HOMER2: variants seen among roughly 807,000 people sequenced by gnomAD.
HOMER2 encodes the protein homer protein homolog 2.
A neutral mutation model predicts 47.0 loss-of-function variants in HOMER2; 27 were observed. That is an observed-to-expected ratio of 0.57 (90% CI 0.42 to 0.79). HOMER2 has a LOEUF of 0.79. Among genes scored for constraint, HOMER2 ranks in the 30% least tolerant of loss-of-function variants. HOMER2 has a pLI of 0.00. For synonymous variants in HOMER2, 161 were observed against 163.8 expected, an observed-to-expected ratio of 0.98 and a Z score of 0.13; for missense variants, 443 against 435.0, an observed-to-expected ratio of 1.02 and a Z score of -0.16.
downstream of HOMER2, chr15:82,846,743 C>T (rs933737975): frequency 3.9e-5 from 6 of 152,148 alleles, no homozygotes; most frequent in African/African-American, 7.2e-5. Context: ...CACACAAGTT[C>T]GAGGTCTTGT....
intron 1 of HOMER2, among the ~76,000 whole-genome samples, chr15:82,974,540 A>C (rs1284046891): frequency 6.6e-6 from 1 of 152,228 alleles, no homozygotes; most frequent in East Asian, 1.9e-4. Flanking sequence ...AATATGCTCT[A>C]ATCTGAGGAG....
intron 1 of HOMER2, among the ~76,000 whole-genome samples, chr15:82,945,826 C>T (rs550813470): frequency 1.3e-5 from 2 of 151,880 alleles, no homozygotes; most frequent in Non-Finnish European, 2.9e-5. Flanking sequence ...AAAAATTAGC[C>T]GGGTGTGGTG....
Position 82,952,698 on chromosome 15 carries a change from CTG to C in HOMER2, c.-165_-164del. The C allele has an allele frequency of 1.0e-6, 1 of 985,348 alleles. No individual in the cohort carries two copies. The highest frequency in any genetic ancestry group is 1.2e-6 in the Non-Finnish European group (1 of 831,124). 61.0% of individuals were successfully genotyped at this position (985,348 alleles called of 1,614,324 possible). A position where few individuals can be genotyped will look rare whatever the true frequency, so the allele number is the denominator to read the frequency against. On this transcript the variant is annotated 5_prime_UTR_variant, in exon 1 of 9. Transcript: ENST00000450735. The stretch of plus-strand genomic sequence containing the variant: ...GGCTGCGCGGCTGCCACTGCTGCCA[CTG>C]CCGCCACCGCCGCCAGGCGCGGGCG...
upstream of HOMER2, among the ~76,000 whole-genome samples, chr15:82,953,001 GGAC>G (rs2054542484): frequency 6.6e-6 from 1 of 152,190 alleles, no homozygotes; most frequent in African/African-American, 2.4e-5. Flanking sequence ...CCTGCCTGAT[GGAC>G]TTAAAGTCCC....
At chr15:82,893,584 G>A (rs1463979241) in intron 1 of HOMER2, among the ~76,000 whole-genome samples, 3 of 151,186 alleles carry the variant, frequency 2.0e-5, no homozygotes, top group Non-Finnish European at 2.9e-5. Context: ...GCCTGCCTCG[G>A]GCTCCCAAAG....
At position 82,872,178 on chromosome 15, in the gene HOMER2, A is replaced by G. The variant is rs57339283; in HGVS notation, c.294+3095T>C. On this transcript the variant is annotated intron_variant, in intron 3 of 8. Coordinates refer to ENST00000450735, the MANE Select transcript of HOMER2 (RefSeq NM_004839.4). ...GGACCACTTCAGGAGGGAAAGACAT[A>G]CACCCCCATTACCCCCTCAGACAGA... is the stretch of plus-strand genomic sequence containing the variant. Among the ~76,000 whole-genome samples, 1,448 of 152,188 alleles carry G rather than the reference A, an allele frequency of 9.5e-3. 28 individuals are homozygous for G. The highest frequency in any genetic ancestry group is 0.052 in the Admixed American group (795 of 15,268).
intron 1 of HOMER2, among the ~76,000 whole-genome samples, chr15:82,981,341 G>A (rs939168595): frequency 2.0e-5 from 3 of 152,160 alleles, no homozygotes; most frequent in Admixed American, 1.3e-4. Context: ...ACTTTCTGCT[G>A]GTGTGTTTTG....
chr15:82,928,940 T>TAAGAAAAAAAAAAAAAAAAAAAA (rs2053925555), intron 1 of HOMER2, among the ~76,000 whole-genome samples: 2 of 39,938 alleles, frequency 5.0e-5, no homozygotes, highest in Non-Finnish European at 8.0e-5. Flanking sequence ...AAATAAAAAC[T>TAAGAAAAAAAAAAAAAAAAAAAA]AAAAAAAAAA....
At chr15:82,981,014 G>A (rs2030377125) in intron 1 of HOMER2, among the ~76,000 whole-genome samples, 1 of 152,182 alleles carries the variant, frequency 6.6e-6, no homozygotes, top group Admixed American at 6.5e-5. Flanking sequence ...GTTTTGTTTT[G>A]AGACTGAAGA....
intron 1 of HOMER2, among the ~76,000 whole-genome samples, chr15:82,932,147 C>A (rs2054027281): frequency 6.6e-6 from 1 of 152,190 alleles, no homozygotes; most frequent in Non-Finnish European, 1.5e-5. Context: ...ATGCTAGAGA[C>A]CATCTAGGTG....
chr15:82,840,846 A>G (rs934104423), exon 2 of HOMER2: 2 of 152,130 alleles, frequency 1.3e-5, no homozygotes, highest in Admixed American at 1.3e-4. Flanking sequence ...CTAAAAAGGC[A>G]CTACTAGATT....
chr15:82,861,706 A>T (rs2051796134), intron 4 of HOMER2, among the ~76,000 whole-genome samples: 1 of 152,164 alleles, frequency 6.6e-6, no homozygotes, highest in Non-Finnish European at 1.5e-5. Context: ...GTGATTACTA[A>T]TTTTAAAAAG....
chr15:82,913,734 T>A lies in HOMER2; in HGVS notation c.6-20893A>T, dbSNP rs116991601. Among the ~76,000 whole-genome samples the A allele has an allele frequency of 0.013, 1,916 of 152,312 alleles. 28 individuals carry two copies. The highest frequency in any genetic ancestry group is 0.019 in the Non-Finnish European group (1,303 of 68,030). On this transcript the variant is annotated intron_variant, in intron 1 of 8. Transcript: ENST00000450735. This position sits in a 1 kb window ranked among gnomAD's most constrained non-coding sequence, Gnocchi z 4.1. ...TTCCTCCAGAATCCCCCACTGCCAG[T>A]CCCTCATCCTGGCTCCCTGGGAATT... is the stretch of plus-strand genomic sequence containing the variant.
intron 1 of HOMER2, among the ~76,000 whole-genome samples, chr15:82,920,836 G>A (rs1007153510): frequency 6.6e-6 from 1 of 151,412 alleles, no homozygotes; most frequent in Non-Finnish European, 1.5e-5. Flanking sequence ...CACTCTGGGG[G>A]TAAAACAATC....
At chr15:82,910,132 CAAAAAAAAAA>C (rs35191408) in intron 1 of HOMER2, among the ~76,000 whole-genome samples, 34 of 22,130 alleles carry the variant, frequency 1.5e-3, no homozygotes, top group African/African-American at 3.8e-3. Flanking sequence ...GATTCTGTCT[CAAAAAAAAAA>C]AAAAAAAAAA....
upstream of HOMER2, among the ~76,000 whole-genome samples, chr15:82,955,366 T>C (rs1596383658): frequency 1.3e-5 from 2 of 151,872 alleles, no homozygotes; most frequent in East Asian, 3.9e-4. Flanking sequence ...AGATGGGGTT[T>C]CACCATGTTA....
chr15:82,931,683 A>G (rs2054015428), intron 1 of HOMER2, among the ~76,000 whole-genome samples: 1 of 151,994 alleles, frequency 6.6e-6, no homozygotes, highest in African/African-American at 2.4e-5. Flanking sequence ...CTAAAAATAC[A>G]AAAAATTAGT....
intron 5 of HOMER2, among the ~76,000 whole-genome samples, chr15:82,857,925 G>A (rs1037219854): frequency 1.3e-5 from 2 of 152,188 alleles, no homozygotes; most frequent in African/African-American, 4.8e-5. Context: ...CATAAGCACC[G>A]CTCATGCAGT....
At position 82,867,416 on chromosome 15, in the gene HOMER2, T is replaced by C. The variant is rs568640649; in HGVS notation, c.295-3157A>G. On this transcript the variant is annotated intron_variant, in intron 3 of 8. Transcript: ENST00000450735. ...AAGGGAAACAACAGCCTTGGGAAAA[T>C]ATCTATAGCTAAGCTAGTACAACAG... Among the ~76,000 whole-genome samples the C allele has an allele frequency of 7.7e-5, 11 of 143,228 alleles. No homozygotes were observed. The South Asian group carries it at 1.1e-3, about 14-fold the overall frequency. The allele number at this position is 143,228 out of a possible 152,430, so 94.0% of individuals were successfully genotyped here.
Sources: gnomAD v4.1 joint callset for allele counts (sites outside exome capture counted in the v4.1 genomes callset) on GRCh38, gnomAD v4.1.1 for gene constraint, Gnocchi (gnomAD v3.1) non-coding constraint, MANE v1.5 for transcripts, NCBI Gene and HGNC (gene_info 2026-07-23, HGNC 2026-07-21) for gene names.